The following PTP4A2 variants were observed in gnomAD, a reference collection of about 807,000 sequenced individuals.
PTP4A2 encodes protein tyrosine phosphatase type IVA 2.
Under a neutral mutation model 22.9 loss-of-function variants are expected in PTP4A2, and 2 were observed. The ratio of observed to expected loss-of-function variants is 0.09; its 90% CI spans 0.04 to 0.27. PTP4A2 has a LOEUF of 0.27. Among genes scored for constraint, PTP4A2 ranks in the 10% least tolerant of loss-of-function variants. PTP4A2 has a pLI of 1.00. For missense variants in PTP4A2, 103 were observed against 205.1 expected, an observed-to-expected ratio of 0.50 and a Z score of 3.04; for synonymous variants, 68 against 69.1, an observed-to-expected ratio of 0.98 and a Z score of 0.08.
intron 1 of PTP4A2, among the ~76,000 whole-genome samples, chr1:31,922,177 C>G (rs1278475908): frequency 6.6e-6 from 1 of 152,184 alleles, no homozygotes; most frequent in African/African-American, 2.4e-5. Context: ...ATCAACTACC[C>G]TGACCTTTTA....
chr1:31,910,397 C>G, intron 4 of PTP4A2: 2 of 261,972 alleles, frequency 7.6e-6, no homozygotes, highest in South Asian at 1.4e-4. Flanking sequence ...TCAGGTGATC[C>G]TCCTGCCTCA....
chr1:31,934,759 T>C (rs1652863547), intron 1 of PTP4A2, among the ~76,000 whole-genome samples: 1 of 152,240 alleles, frequency 6.6e-6, no homozygotes, highest in Non-Finnish European at 1.5e-5. Flanking sequence ...TACACAAAAG[T>C]ATTCAAACAT....
At chr1:31,913,338 A>AG (rs1433073090) in intron 3 of PTP4A2, among the ~76,000 whole-genome samples, 6 of 152,226 alleles carry the variant, frequency 3.9e-5, no homozygotes, top group African/African-American at 1.4e-4. Context: ...TTCAAGTGTA[A>AG]GTTAAACCTT....
chr1:31,911,881 C>T, intron 3 of PTP4A2, 55 bp from the exon 4 acceptor site: 1 of 1,407,720 alleles, frequency 7.1e-7, no homozygotes, highest in Non-Finnish European at 9.6e-7. Flanking sequence ...GATTAACATC[C>T]TAATACAGAA....
Position 31,912,498 on chromosome 1 carries a change from T to C in PTP4A2, c.190-672A>G, listed in dbSNP as rs114072174. Among the ~76,000 whole-genome samples, 617 of 152,326 alleles carry C rather than the reference T, an allele frequency of 4.1e-3. 4 individuals carry two copies. The highest frequency in any genetic ancestry group is 0.014 in the African/African-American group (598 of 41,568). On this transcript the variant is annotated intron_variant, in intron 3 of 5. Transcript: ENST00000647444. ...CAAATGGAGACCATTTTGTCAAGTA[T>C]CCCTTTCTCTTTCTGTATTCACCTA...
intron 3 of PTP4A2, chr1:31,914,268 T>C (rs956280983): frequency 1.1e-5 from 5 of 455,782 alleles, no homozygotes; most frequent in African/African-American, 2.0e-5. Context: ...GGTTTCACCA[T>C]GTTGCCCCAC....
At chr1:31,936,729 T>C (rs989998285) in intron 1 of PTP4A2, among the ~76,000 whole-genome samples, 2 of 152,164 alleles carry the variant, frequency 1.3e-5, no homozygotes, top group African/African-American at 2.4e-5. Flanking sequence ...ACCAATACAA[T>C]GGTGTGCTGG....
chr1:31,914,303 G>A (rs1312159038), intron 3 of PTP4A2: 1 of 455,736 alleles, frequency 2.2e-6, no homozygotes, highest in East Asian at 6.9e-5. Context: ...CTGGACTCAA[G>A]TGATCCACCT....
rs56981526 is a variant in PTP4A2, at chr1:31,908,236, G to GTT, written c.*614_*615dup. On this transcript the variant is annotated 3_prime_UTR_variant, in exon 6 of 6. Coordinates refer to ENST00000647444, the MANE Select transcript of PTP4A2 (RefSeq NM_080391.4). ...TGCTGTTTTTTTGGTGTTGTTTTTT[G>GTT]TTTTTTTTTTTTTTTTATCTAAAAG... is the stretch of plus-strand genomic sequence containing the variant. The GTT allele has an allele frequency of 1.8e-3, 85 of 47,820 alleles. 5 individuals are homozygous for GTT. Among genetic ancestry groups the GTT allele is most frequent in the African/African-American group, 7.1e-3 (80 of 11,256 alleles). 3.0% of individuals were successfully genotyped at this position (47,820 alleles called of 1,614,324 possible).
intron 2 of PTP4A2, among the ~76,000 whole-genome samples, chr1:31,916,310 A>T (rs1157207778): frequency 1.5e-5 from 2 of 135,672 alleles, no homozygotes; most frequent in Non-Finnish European, 3.0e-5. Context: ...GTGCCACTGC[A>T]CTCCAGCCTG....
In PTP4A2 at chr1:31,911,679, T is replaced by C. The variant is rs1379782432; in HGVS notation, c.320+17A>G. 6.4e-7 allele frequency: 1 copy of C among 1,553,540 alleles called. No individual in the cohort carries two copies. Among genetic ancestry groups the C allele is most frequent in the Non-Finnish European group, 8.7e-7 (1 of 1,155,578 alleles). On this transcript the variant is annotated intron_variant, in intron 4 of 5. Coordinates refer to ENST00000647444, the MANE Select transcript of PTP4A2 (RefSeq NM_080391.4). Reference sequence around the variant, plus strand: ...TAATGAATTCAGACAAAAAGGGTAATAAAGGTAAGAGTTTACCTTCCCAAT... The same window carrying C: ...TAATGAATTCAGACAAAAAGGGTAACAAAGGTAAGAGTTTACCTTCCCAAT...
rs1253827275 is a variant in PTP4A2, at chr1:31,910,148, T to C, written c.321-36A>G. 2.0e-6 allele frequency: 3 copies of C among 1,538,172 alleles called. 1 individual carries two copies. Among genetic ancestry groups the C allele is most frequent in the Middle Eastern group, 3.4e-4 (2 of 5,892 alleles). ...AAACCTGTATGTAAGTATCCATAAG[T>C]CTTGGAGTGAAAGGATTTTTAAAAA... On this transcript the variant is annotated intron_variant, in intron 4 of 5. Transcript: ENST00000647444.
intron 1 of PTP4A2, among the ~76,000 whole-genome samples, chr1:31,935,841 T>A: frequency 6.6e-6 from 1 of 152,020 alleles, no homozygotes; most frequent in African/African-American, 2.4e-5. Context: ...TTCTTCTTAT[T>A]TTTTTTGAGA....
At chr1:31,936,851 G>A (rs1652955438) in intron 1 of PTP4A2, among the ~76,000 whole-genome samples, 2 of 152,102 alleles carry the variant, frequency 1.3e-5, no homozygotes, top group Admixed American at 1.3e-4. Flanking sequence ...CTCTCTTACA[G>A]AGCATGACAG....
At chr1:31,913,890 T>A (rs1473220867) in intron 3 of PTP4A2, 1 of 455,092 alleles carries the variant, frequency 2.2e-6, no homozygotes, top group South Asian at 1.6e-5. Flanking sequence ...ATATTCATAA[T>A]GCAGCAAAAT....
At chr1:31,916,147 C>A (rs1455200794) in intron 2 of PTP4A2, among the ~76,000 whole-genome samples, 160 bp from the exon 3 acceptor site, 2 of 151,652 alleles carry the variant, frequency 1.3e-5, no homozygotes, top group Non-Finnish European at 2.9e-5. Flanking sequence ...GAGTTCGAGA[C>A]CAGCCTGACC....
At chr1:31,916,540 A>G (rs1324687420) in intron 2 of PTP4A2, among the ~76,000 whole-genome samples, 1 of 152,144 alleles carries the variant, frequency 6.6e-6, no homozygotes, top group African/African-American at 2.4e-5. Context: ...AACTTACACA[A>G]AAGTTCACAT....
chr1:31,925,416 A>T (rs1470277329), intron 1 of PTP4A2, among the ~76,000 whole-genome samples: 1 of 152,168 alleles, frequency 6.6e-6, no homozygotes, highest in Non-Finnish European at 1.5e-5. Flanking sequence ...TAAATGAGTA[A>T]AATTCACGTC....
intron 1 of PTP4A2, among the ~76,000 whole-genome samples, chr1:31,937,198 G>C (rs1652973252): frequency 1.3e-5 from 2 of 152,000 alleles, no homozygotes; most frequent in Non-Finnish European, 2.9e-5. Context: ...AATTTACTTT[G>C]AAGTCATGAA....
Sources: allele counts gnomAD v4.1 joint callset (sites outside exome capture counted in the v4.1 genomes callset), GRCh38; gene constraint gnomAD v4.1.1; transcripts MANE v1.5; gene names NCBI Gene and HGNC (gene_info 2026-07-23, HGNC 2026-07-21).